The following CFAP299 variants were observed in gnomAD, a reference collection of about 807,000 sequenced individuals.
CFAP299 encodes cilia and flagella associated protein 299.
Under a neutral mutation model 27.0 loss-of-function variants are expected in CFAP299, and 21 were observed. The observed-to-expected ratio is 0.78, with a 90% confidence interval of 0.55 to 1.12. The LOEUF (loss-of-function observed/expected upper bound fraction) is 1.12. Among genes scored for constraint, CFAP299 ranks in the 50% most tolerant of loss-of-function variants. The pLI, the probability that CFAP299 is intolerant of heterozygous loss-of-function variation, is 0.00. For missense variants in CFAP299, 310 were observed against 276.6 expected (o/e 1.12, Z -0.86); for synonymous variants, 104 against 98.1 (o/e 1.06, Z -0.36).
chr4:80,754,365 C>T lies in CFAP299; in HGVS notation c.334-115628C>T, dbSNP rs1725112435. Reference sequence around the variant, plus strand: ...TCTTGTTCCTCTACCGAGAGTAAGACCACTGTTCCTTAATGCTTGCTATCT... The same window carrying T: ...TCTTGTTCCTCTACCGAGAGTAAGATCACTGTTCCTTAATGCTTGCTATCT... On this transcript the variant is annotated intron_variant, in intron 3 of 5. Coordinates refer to ENST00000358105, the MANE Select transcript of CFAP299 (RefSeq NM_152770.3). 2.0e-5 allele frequency among the ~76,000 whole-genome samples: 3 copies of T among 152,144 alleles called. No homozygotes were observed. In the South Asian group the frequency reaches 6.2e-4, roughly 32 times the overall value.
At chr4:80,716,544 G>A (rs1372425671) in intron 3 of CFAP299, among the ~76,000 whole-genome samples, 1 of 151,974 alleles carries the variant, frequency 6.6e-6, no homozygotes. Flanking sequence ...CAATGTGCAA[G>A]CTTACATTAC....
chr4:80,933,650 C>A (rs961607112), intron 4 of CFAP299, among the ~76,000 whole-genome samples: 3 of 151,822 alleles, frequency 2.0e-5, no homozygotes, highest in African/African-American at 7.3e-5. Context: ...ATATCTTTCA[C>A]CTCCTTGGTT....
At chr4:80,954,484 G>A (rs1026954514) in intron 5 of CFAP299, among the ~76,000 whole-genome samples, 27 of 152,152 alleles carry the variant, frequency 1.8e-4, no homozygotes, top group Admixed American at 8.5e-4. Flanking sequence ...ACTTATAAGT[G>A]GCTATTGCTG....
chr4:80,453,580 C>T (rs1728997041), intron 2 of CFAP299, among the ~76,000 whole-genome samples: 1 of 151,958 alleles, frequency 6.6e-6, no homozygotes, highest in South Asian at 2.1e-4. Flanking sequence ...GTGGCTCACG[C>T]CTGTAATCCC....
At chr4:80,800,425 T>TATATAATATATAATATATTGATATATTA (rs1728409744) in intron 3 of CFAP299, among the ~76,000 whole-genome samples, 4 of 62,440 alleles carry the variant, frequency 6.4e-5, no homozygotes, top group South Asian at 6.3e-4. Flanking sequence ...TAATATAATA[T>TATATAATATATAATATATTGATATATTA]ATATAATATA....
chr4:80,377,888 G>A (rs1369507037), intron 2 of CFAP299, among the ~76,000 whole-genome samples: 3 of 152,176 alleles, frequency 2.0e-5, no homozygotes, highest in Non-Finnish European at 4.4e-5. Context: ...AATTATGGTG[G>A]GAGGTGAAAC....
At position 80,347,865 on chromosome 4, in the gene CFAP299, A is replaced by G. The variant is rs192794523; in HGVS notation, c.111+11986A>G. ...AGATAAAAGCTGGAGGCATTATGGT[A>G]CCTGACTTCAAACTATAAGGCTACA... On this transcript the variant is annotated intron_variant, in intron 1 of 5. Transcript: ENST00000358105. Among the ~76,000 whole-genome samples, 949 of 152,350 alleles carry G rather than the reference A, an allele frequency of 6.2e-3. 2 individuals carry two copies. The highest frequency in any genetic ancestry group is 0.024 in the Middle Eastern group (7 of 294).
At chr4:80,722,417 CAA>C (rs549576773) in intron 3 of CFAP299, among the ~76,000 whole-genome samples, 9 of 109,344 alleles carry the variant, frequency 8.2e-5, no homozygotes, top group African/African-American at 1.6e-4. Context: ...AACTCCATCT[CAA>C]AAAAAAAAAA....
chr4:80,621,910 G>T (rs1738623695), intron 3 of CFAP299, among the ~76,000 whole-genome samples: 1 of 152,028 alleles, frequency 6.6e-6, no homozygotes, highest in Non-Finnish European at 1.5e-5. Flanking sequence ...GGAGCATATG[G>T]AGGAGAAAAC....
At chr4:80,916,286 TA>T (rs1283987072) in intron 4 of CFAP299, among the ~76,000 whole-genome samples, 9 of 122,558 alleles carry the variant, frequency 7.3e-5, no homozygotes, top group African/African-American at 3.3e-4. Context: ...TATATATATA[TA>T]TATATATATT....
intron 2 of CFAP299, among the ~76,000 whole-genome samples, chr4:80,371,707 ATCTTTGC>A (rs1724159950): frequency 6.6e-6 from 1 of 152,188 alleles, no homozygotes; most frequent in Non-Finnish European, 1.5e-5. Flanking sequence ...TAACAAAGTG[ATCTTTGC>A]TCTAGTTTCT....
intron 3 of CFAP299, among the ~76,000 whole-genome samples, chr4:80,662,326 C>T (rs1422778961): frequency 4.0e-5 from 6 of 151,800 alleles, no homozygotes; most frequent in Admixed American, 6.6e-5. Context: ...CTCTTTTGTA[C>T]TCTGTCCCTT....
chr4:80,538,497 C>G (rs575886639), intron 2 of CFAP299, among the ~76,000 whole-genome samples: 1 of 151,668 alleles, frequency 6.6e-6, no homozygotes, highest in Non-Finnish European at 1.5e-5. Flanking sequence ...ACTGACTCAC[C>G]GAGAGCAACT....
At position 80,645,540 on chromosome 4, in the gene CFAP299, CAT is replaced by C. The variant is rs1285822371; in HGVS notation, c.333+62358_333+62359del. Among the ~76,000 whole-genome samples, 3 of 152,284 alleles carry C rather than the reference CAT, an allele frequency of 2.0e-5. No individual in the cohort carries two copies. The East Asian group carries it at 5.8e-4, about 29-fold the overall frequency. On this transcript the variant is annotated intron_variant, in intron 3 of 5. Transcript: ENST00000358105. Reference sequence around the variant, plus strand: ...CTATGTCAAGTTATCCACACACACACATGCACATACACATAAACACACACATA... The same window carrying C: ...CTATGTCAAGTTATCCACACACACACGCACATACACATAAACACACACATA...
intron 2 of CFAP299, among the ~76,000 whole-genome samples, chr4:80,447,182 C>G (rs1243023075): frequency 8.7e-6 from 1 of 115,288 alleles, no homozygotes; most frequent in African/African-American, 3.5e-5. Context: ...GTCACCCAGG[C>G]TGGAGTGCAG....
chr4:80,919,646 T>C (rs759087079), intron 4 of CFAP299, among the ~76,000 whole-genome samples: 6 of 152,164 alleles, frequency 3.9e-5, no homozygotes, highest in Non-Finnish European at 7.3e-5. Context: ...GAAGTGAACA[T>C]TATTTTCTAT....
At chr4:80,461,537 T>C (rs1179282341) in intron 2 of CFAP299, among the ~76,000 whole-genome samples, 1 of 152,122 alleles carries the variant, frequency 6.6e-6, no homozygotes, top group African/African-American at 2.4e-5. Flanking sequence ...TCTGTTTTAG[T>C]GTTAATTGCT....
intron 2 of CFAP299, among the ~76,000 whole-genome samples, chr4:80,487,546 A>G (rs989598336): frequency 6.6e-6 from 1 of 152,318 alleles, no homozygotes; most frequent in Non-Finnish European, 1.5e-5. Context: ...TCTAGAAGGC[A>G]GAGAGGGGTC....
At position 80,390,812 on chromosome 4, in the gene CFAP299, C is replaced by CACATATATGTATATGTATATATGTATAT. The variant is rs1560543744; in HGVS notation, c.242+27931_242+27932insTATATGTATATGTATATATGTATATACA. 3.0e-4 allele frequency among the ~76,000 whole-genome samples: 30 copies of CACATATATGTATATGTATATATGTATAT among 99,254 alleles called. 1 individual carries two copies. The highest frequency in any genetic ancestry group is 1.5e-3 in the African/African-American group (29 of 19,820). The allele number at this position is 99,254 out of a possible 152,430, so 65.1% of individuals were successfully genotyped here. A position where few individuals can be genotyped will look rare whatever the true frequency, so the allele number is the denominator to read the frequency against. On this transcript the variant is annotated intron_variant, in intron 2 of 5. Transcript: ENST00000358105. ...ATATATGTATATGTATATATGTATA[C>CACATATATGTATATGTATATATGTATAT]ACACATATATGTATATGTATATATG...
Sources: allele counts gnomAD v4.1 joint callset (sites outside exome capture counted in the v4.1 genomes callset), GRCh38; gene constraint gnomAD v4.1.1; transcripts MANE v1.5; gene names NCBI Gene and HGNC (gene_info 2026-07-23, HGNC 2026-07-21).